The following ZNF626 variants were observed in gnomAD, a reference collection of about 807,000 sequenced individuals.
The protein encoded by ZNF626 is CTC-513N18.7.
In ZNF626, 4 loss-of-function variants were observed where a neutral mutation model predicts 11.7. That is an observed-to-expected ratio of 0.34 (90% confidence interval 0.17 to 0.78). The LOEUF (loss-of-function observed/expected upper bound fraction) is 0.78. ZNF626 is among the 30% of genes least tolerant of loss of function. The pLI is 0.57. For synonymous variants in ZNF626, 179 were observed against 198.6 expected (o/e 0.90, Z 0.83); for missense variants, 588 against 587.1 (o/e 1.00, Z -0.01).
intron 3 of ZNF626, among the ~76,000 whole-genome samples, chr19:20,637,986 A>C (rs1282971839): frequency 6.6e-6 from 1 of 152,108 alleles, no homozygotes; most frequent in Non-Finnish European, 1.5e-5. Flanking sequence ...CAAAAAATAC[A>C]AAAAAGCTAT....
intron 3 of ZNF626, among the ~76,000 whole-genome samples, chr19:20,634,374 C>A (rs1036091819): frequency 1.3e-4 from 20 of 152,138 alleles, no homozygotes; most frequent in African/African-American, 3.4e-4. Flanking sequence ...TTACCTCATA[C>A]AACTTTCTTC....
chr19:20,639,614 G>A (rs1180406768), intron 3 of ZNF626, among the ~76,000 whole-genome samples: 1 of 152,182 alleles, frequency 6.6e-6, no homozygotes, highest in Non-Finnish European at 1.5e-5. Flanking sequence ...GTGCGTATCT[G>A]TAGTCCTAGC....
chr19:20,659,604 G>A (rs1970242461), intron 1 of ZNF626, among the ~76,000 whole-genome samples: 1 of 151,570 alleles, frequency 6.6e-6, no homozygotes, highest in African/African-American at 2.4e-5. Flanking sequence ...GTGAGGGATG[G>A]AGATAAGCCA....
intron 3 of ZNF626, among the ~76,000 whole-genome samples, chr19:20,642,022 A>G (rs1321604301): frequency 6.6e-6 from 1 of 152,208 alleles, no homozygotes; most frequent in East Asian, 1.9e-4. Flanking sequence ...ATATATATTC[A>G]TCATTAAACC....
At chr19:20,632,664 T>C (rs1233957134) in intron 3 of ZNF626, among the ~76,000 whole-genome samples, 1 of 152,166 alleles carries the variant, frequency 6.6e-6, no homozygotes, top group Non-Finnish European at 1.5e-5. Flanking sequence ...CTTCTCTGCA[T>C]TGGTTATTCT....
intron 1 of ZNF626, among the ~76,000 whole-genome samples, chr19:20,659,025 G>C (rs1490254931): frequency 1.3e-5 from 2 of 152,176 alleles, no homozygotes; most frequent in African/African-American, 4.8e-5. Context: ...GATGGGGAAA[G>C]ATGAAACACA....
chr19:20,626,770 C>T (rs1272327123), intron 3 of ZNF626, among the ~76,000 whole-genome samples: 3 of 152,002 alleles, frequency 2.0e-5, no homozygotes, highest in African/African-American at 7.2e-5. Context: ...ATCGCAGCAA[C>T]TTAGGAGGCC....
At position 20,624,132 on chromosome 19, in the gene ZNF626, T is replaced by G; in HGVS notation, c.*158A>C. ...TCTCTCCAGTATGAAATCTCTTATG[T>G]GTAGTAAGTTTAGAGGAGTGCTTAA... On this transcript the variant is annotated 3_prime_UTR_variant, in exon 4 of 4. Transcript: ENST00000601440. The G allele has an allele frequency of 8.4e-7, 1 of 1,184,656 alleles. No individual in the cohort carries two copies. The highest frequency in any genetic ancestry group is 1.3e-6 in the Non-Finnish European group (1 of 791,646). The allele number at this position is 1,184,656 out of a possible 1,614,324, so 73.4% of individuals were successfully genotyped here.
intron 1 of ZNF626, among the ~76,000 whole-genome samples, chr19:20,647,588 G>T (rs1053810154): frequency 1.4e-5 from 2 of 146,316 alleles, no homozygotes; most frequent in Non-Finnish European, 3.0e-5. Context: ...CCAGGTTCAC[G>T]CCATTCTCCT....
At position 20,653,659 on chromosome 19, in the gene ZNF626, G is replaced by A. The variant is rs11878719; in HGVS notation, c.4-7254C>T. Among the ~76,000 whole-genome samples the A allele has an allele frequency of 7.9e-4, 51 of 64,688 alleles. 4 individuals are homozygous for A. Among genetic ancestry groups the A allele is most frequent in the Middle Eastern group, 5.7e-3 (1 of 174 alleles). The allele number at this position is 64,688 out of a possible 152,430, so 42.4% of individuals were successfully genotyped here. On this transcript the variant is annotated intron_variant, in intron 1 of 3. Transcript: ENST00000601440. Reference sequence around the variant, plus strand: ...CTCCCAGCAAAAAAAAAAAGAAAAAGAAAAAAAGAAAAAGAAAGGAAAAGA... The same window carrying A: ...CTCCCAGCAAAAAAAAAAAGAAAAAAAAAAAAAGAAAAAGAAAGGAAAAGA...
At chr19:20,652,183 T>C (rs1407697861) in intron 1 of ZNF626, among the ~76,000 whole-genome samples, 8 of 152,088 alleles carry the variant, frequency 5.3e-5, no homozygotes, top group Admixed American at 5.2e-4. Flanking sequence ...CTGCAGATTC[T>C]AGGTAGGATC....
In ZNF626 at chr19:20,620,041, CACAT is replaced by C. The variant is rs1323046877; in HGVS notation, c.*4245_*4248del. The C allele has an allele frequency of 6.6e-6, 1 of 152,072 alleles. No individual in the cohort carries two copies. The highest frequency in any genetic ancestry group is 1.5e-5 in the Non-Finnish European group (1 of 68,026). The allele number at this position is 152,072 out of a possible 1,614,324, so 9.4% of individuals were successfully genotyped here. On this transcript the variant is annotated 3_prime_UTR_variant, in exon 4 of 4. Transcript: ENST00000601440. Reference sequence around the variant, plus strand: ...ATGTGTCATTTTATACATTCACACACACATAGAACAATAAAAATGTATCCAATTA... The same window carrying C: ...ATGTGTCATTTTATACATTCACACACAGAACAATAAAAATGTATCCAATTA...
rs567382032 is a variant in ZNF626, at chr19:20,647,777, C to T, written c.4-1372G>A. 2.1e-3 allele frequency among the ~76,000 whole-genome samples: 316 copies of T among 152,118 alleles called. 1 individual carries two copies. In the Middle Eastern group the frequency reaches 0.027, roughly 13 times the overall value. ...CTGGGATTACAGGTGTGAGCCACTG[C>T]GCCCGGCCTAGGACAAATTTTTATG... On this transcript the variant is annotated intron_variant, in intron 1 of 3. Coordinates refer to ENST00000601440, the MANE Select transcript of ZNF626 (RefSeq NM_001076675.3).
intron 3 of ZNF626, among the ~76,000 whole-genome samples, chr19:20,637,897 T>C (rs1297424300): frequency 1.2e-4 from 18 of 152,296 alleles, no homozygotes; most frequent in African/African-American, 4.3e-4. Flanking sequence ...CTTAGGACTT[T>C]GGAAGGCCAA....
rs566168484 is a variant in ZNF626, at chr19:20,647,948, C to T, written c.4-1543G>A. 9.9e-5 allele frequency among the ~76,000 whole-genome samples: 15 copies of T among 151,936 alleles called. 1 individual carries two copies. Among genetic ancestry groups the T allele is most frequent in the Admixed American group, 7.9e-4 (12 of 15,264 alleles). On this transcript the variant is annotated intron_variant, in intron 1 of 3. Coordinates refer to ENST00000601440, the MANE Select transcript of ZNF626 (RefSeq NM_001076675.3). ...CCTGTGATAGCAATTTGGGAGGCTG[C>T]GGCGGGAGGATCACAAGGTCAGGAG...
intron 1 of ZNF626, among the ~76,000 whole-genome samples, chr19:20,661,199 C>G (rs1970263705): frequency 6.6e-6 from 1 of 152,188 alleles, no homozygotes; most frequent in Admixed American, 6.5e-5. Flanking sequence ...GGGTGCAGAG[C>G]TGCCCAGAGA....
chr19:20,659,814 GTTTCC>G (rs1970244470), intron 1 of ZNF626, among the ~76,000 whole-genome samples: 1 of 151,912 alleles, frequency 6.6e-6, no homozygotes, highest in African/African-American at 2.4e-5. Context: ...GACCCTCCCA[GTTTCC>G]TTTCATCTTA....
At chr19:20,644,233 G>A (rs896073099) in intron 3 of ZNF626, among the ~76,000 whole-genome samples, 7 of 152,154 alleles carry the variant, frequency 4.6e-5, no homozygotes, top group Admixed American at 4.6e-4. Context: ...GTTACCTGAG[G>A]AAATGCTCTC....
At chr19:20,625,992 G>T (rs1402728698) in intron 3 of ZNF626, among the ~76,000 whole-genome samples, 1 of 152,192 alleles carries the variant, frequency 6.6e-6, no homozygotes, top group African/African-American at 2.4e-5. Flanking sequence ...ACTGGCTGGG[G>T]TGACACACGC....
Sources: gnomAD v4.1 joint callset for allele counts (sites outside exome capture counted in the v4.1 genomes callset) on GRCh38, gnomAD v4.1.1 for gene constraint, MANE v1.5 for transcripts, NCBI Gene and HGNC (gene_info 2026-07-23, HGNC 2026-07-21) for gene names.